Variants in PDE6H observed in about 807,000 individuals in gnomAD.
PDE6H encodes retinal cone rhodopsin-sensitive cGMP 3',5'-cyclic phosphodiesterase subunit gamma.
PDE6H carries 11 observed loss-of-function variants against 9.2 expected under a neutral mutation model. The observed-to-expected ratio is 1.19, with a 90% CI of 0.75 to 1.97. The LOEUF (loss-of-function observed/expected upper bound fraction) is 1.97. PDE6H is among the 30% of genes most tolerant of loss of function. The probability of loss-of-function intolerance (pLI) is 0.00; values close to 1 mark genes in which losing one functional copy is unlikely to be tolerated. For missense variants in PDE6H, 98 were observed against 101.5 expected (o/e 0.97, Z 0.15); for synonymous variants, 36 against 33.6 (o/e 1.07, Z -0.25).
chr12:14,975,548 G>T (rs1203590630), intron 1 of PDE6H, among the ~76,000 whole-genome samples: 1 of 152,098 alleles, frequency 6.6e-6, no homozygotes, highest in Non-Finnish European at 1.5e-5. Context: ...GTCAGTTACT[G>T]GTGGTCCACT....
chr12:14,981,622 A>G lies in PDE6H; in HGVS notation c.*146A>G, dbSNP rs1284591995. Reference sequence around the variant, plus strand: ...TCATTCCCTATCAGTTACTACTAAGAGTTCTCTTACTGTCAGAATCTCTCT... The same window carrying G: ...TCATTCCCTATCAGTTACTACTAAGGGTTCTCTTACTGTCAGAATCTCTCT... On this transcript the variant is annotated 3_prime_UTR_variant, in exon 4 of 4. Transcript: ENST00000266395. 1.0e-5 allele frequency: 7 copies of G among 698,926 alleles called. No individual in the cohort carries two copies. The highest frequency in any genetic ancestry group is 1.8e-5 in the Non-Finnish European group (7 of 382,126). The allele number at this position is 698,926 out of a possible 1,614,324, so 43.3% of individuals were successfully genotyped here. A position where few individuals can be genotyped will look rare whatever the true frequency, so the allele number is the denominator to read the frequency against.
chr12:14,979,276 A>G (rs565306354), intron 3 of PDE6H, 57 bp downstream of exon 3: 195 of 1,166,858 alleles, frequency 1.7e-4, no homozygotes, highest in Middle Eastern at 9.5e-4. Flanking sequence ...GCCTTTTTAT[A>G]TACTTCAGGC....
At chr12:14,981,374 A>T in intron 3 of PDE6H, 26 bp from the exon 4 acceptor site, 1 of 1,512,840 alleles carries the variant, frequency 6.6e-7, no homozygotes, top group Non-Finnish European at 9.2e-7. Flanking sequence ...AGGTTGGCTT[A>T]CGTGCTCTTC....
chr12:14,979,080 C>G (rs1864640721), intron 2 of PDE6H, 99 bp from the exon 3 acceptor site: 2 of 788,630 alleles, frequency 2.5e-6, no homozygotes, highest in South Asian at 2.9e-5. Context: ...ACTTAAACCT[C>G]TCCTTCTTCC....
At chr12:14,977,704 A>G (rs1437977594) in intron 1 of PDE6H, among the ~76,000 whole-genome samples, 1 of 152,202 alleles carries the variant, frequency 6.6e-6, no homozygotes, top group East Asian at 1.9e-4. Flanking sequence ...AAATCTATCA[A>G]TTGTCCGTTT....
chr12:14,979,393 A>G (rs547738394), intron 3 of PDE6H, among the ~76,000 whole-genome samples, 174 bp downstream of exon 3: 1 of 152,380 alleles, frequency 6.6e-6, no homozygotes, highest in East Asian at 1.9e-4. Context: ...ATGTGTGCCC[A>G]GATACAAAAG....
At position 14,981,471 on chromosome 12, in the gene PDE6H, A is replaced by T. The variant is rs1421690648; in HGVS notation, c.247A>T (p.Ile83Phe). ...ELHELAQFGI[I>F] ...GCATGAGCTCGCTCAGTTTGGGATT[A>T]TCTGAAGTGCCAGAGGTTCTGCCAC... The change falls in exon 4 of 4, where the codon ATC becomes TTC. Residue 83 changes from isoleucine (I) to phenylalanine (F), a missense_variant. By Grantham distance (21) the Ile-to-Phe change is conservative. Transcript: ENST00000266395. 1 of 1,611,574 alleles carries T rather than the reference A, an allele frequency of 6.2e-7. No individual in the cohort carries two copies. Among genetic ancestry groups the T allele is most frequent in the Admixed American group, 1.7e-5 (1 of 60,026 alleles).
intron 1 of PDE6H, among the ~76,000 whole-genome samples, chr12:14,976,760 G>A (rs574434274): frequency 6.6e-5 from 10 of 152,220 alleles, no homozygotes; most frequent in Middle Eastern, 6.8e-3. Flanking sequence ...GAATCTTATG[G>A]AGACAAAGCC....
rs749529247 is a variant in PDE6H at position 14,979,185 on chromosome 12, A to T, written c.141A>T (p.Gly47=). The stretch of plus-strand genomic sequence containing the variant: ...CCTTTATTCTTTTCCATAGATTTGG[A>T]GATGACATTCCAGGAATGGAGGGGC... The part of the protein sequence containing the change: ...KPPKKGVKGF[G]DDIPGMEGLG... Residue 47 remains glycine, a synonymous_variant, in exon 3 of 4, where the codon GGA becomes GGT. Transcript: ENST00000266395. 22 of 1,607,124 alleles carry T rather than the reference A, an allele frequency of 1.4e-5. No homozygotes were observed. The East Asian group carries it at 2.5e-4, about 18-fold the overall frequency.
intron 1 of PDE6H, among the ~76,000 whole-genome samples, chr12:14,976,114 C>A (rs1190004277): frequency 2.6e-5 from 4 of 152,148 alleles, no homozygotes; most frequent in African/African-American, 7.2e-5. Flanking sequence ...GCCACCGTGC[C>A]TGGCCTGTTC....
rs144430426 is a variant in PDE6H at position 14,980,132 on chromosome 12, C to T, written c.175+913C>T. Reference sequence around the variant, plus strand: ...TTCGCTGCCCTATGCTCCACCCGGTCATCCTTCTCTCTCTCTCTAAACCCC... The same window carrying T: ...TTCGCTGCCCTATGCTCCACCCGGTTATCCTTCTCTCTCTCTCTAAACCCC... On this transcript the variant is annotated intron_variant, in intron 3 of 3. Coordinates refer to ENST00000266395, the MANE Select transcript of PDE6H (RefSeq NM_006205.3). Among the ~76,000 whole-genome samples, 21 of 152,302 alleles carry T rather than the reference C, an allele frequency of 1.4e-4. No homozygotes were observed. In the East Asian group the frequency reaches 3.9e-3, roughly 28 times the overall value.
rs1864684806 is a variant in PDE6H, at chr12:14,981,533, C to T, written c.*57C>T. The T allele has an allele frequency of 1.8e-6, 2 of 1,132,064 alleles. No homozygotes were observed. Among genetic ancestry groups the T allele is most frequent in the Admixed American group, 1.7e-5 (1 of 59,222 alleles). 70.1% of individuals were successfully genotyped at this position (1,132,064 alleles called of 1,614,324 possible). On this transcript the variant is annotated 3_prime_UTR_variant, in exon 4 of 4. Transcript: ENST00000266395. ...TCTGCTGTAATTTTGGTTGCTTTTG[C>T]CCTGTTGATCTGCCGGAGTCTTGAA...
At chr12:14,981,062 C>T (rs1864675157) in intron 3 of PDE6H, among the ~76,000 whole-genome samples, 1 of 152,196 alleles carries the variant, frequency 6.6e-6, no homozygotes, top group East Asian at 1.9e-4. Context: ...AACCCTTGGC[C>T]TGACTAGAAT....
chr12:14,979,419 G>C (rs778208731), intron 3 of PDE6H, among the ~76,000 whole-genome samples, 200 bp downstream of exon 3: 1 of 152,170 alleles, frequency 6.6e-6, no homozygotes, highest in African/African-American at 2.4e-5. Flanking sequence ...AAAGAAATCA[G>C]GGTAGGCCCA....
chr12:14,978,257 C>A, intron 2 of PDE6H, 111 bp downstream of exon 2: 2 of 905,378 alleles, frequency 2.2e-6, no homozygotes, highest in South Asian at 1.4e-5. Context: ...CAAAAATTTC[C>A]ACTCCATCCT....
intron 1 of PDE6H, among the ~76,000 whole-genome samples, chr12:14,973,351 A>G (rs889846187): frequency 4.6e-5 from 7 of 152,242 alleles, no homozygotes; most frequent in African/African-American, 1.4e-4. Context: ...AAGGAGCCCA[A>G]TAGTGACCTC....
chr12:14,980,483 C>T (rs1283263509), intron 3 of PDE6H, among the ~76,000 whole-genome samples: 1 of 152,172 alleles, frequency 6.6e-6, no homozygotes, highest in Non-Finnish European at 1.5e-5. Flanking sequence ...TCCAACACAC[C>T]TTTGATAAAC....
chr12:14,977,952 T>C lies in PDE6H; in HGVS notation c.-41-20T>C. 1 of 1,548,114 alleles carries C rather than the reference T, an allele frequency of 6.5e-7. No individual in the cohort carries two copies. The highest frequency in any genetic ancestry group is 1.4e-5 in the African/African-American group (1 of 73,198). On this transcript the variant is annotated intron_variant, in intron 1 of 3. Transcript: ENST00000266395. ...CCATGACTTGAAAGATCTTCTTTTT[T>C]TTATCTTTCACTGTCTAAGGAGGCT...
Position 14,979,285 on chromosome 12 carries a change from G to T in PDE6H, c.175+66G>T, listed in dbSNP as rs532766499. 7 of 995,672 alleles carry T rather than the reference G, an allele frequency of 7.0e-6. No individual in the cohort carries two copies. In the East Asian group the frequency reaches 1.7e-4, roughly 24 times the overall value. The allele number at this position is 995,672 out of a possible 1,614,324, so 61.7% of individuals were successfully genotyped here. ...AGTTCTGCCTTTTTATATACTTCAG[G>T]CCTCAAGGGGCAGTTGAAAGTTATG... On this transcript the variant is annotated intron_variant, in intron 3 of 3. Transcript: ENST00000266395.
Sources: allele counts gnomAD v4.1 joint callset (sites outside exome capture counted in the v4.1 genomes callset), GRCh38; gene constraint gnomAD v4.1.1; transcripts MANE v1.5; gene names NCBI Gene and HGNC (gene_info 2026-07-23, HGNC 2026-07-21).